Variants in RAP1GDS1 observed in about 807,000 individuals in gnomAD.
The protein encoded by RAP1GDS1 is Rap1 GTPase-GDP dissociation stimulator 1.
Under a neutral mutation model 71.1 loss-of-function variants are expected in RAP1GDS1, and 35 were observed. The observed-to-expected ratio is 0.49, with a 90% CI of 0.38 to 0.65. The LOEUF is 0.65. Among genes scored for constraint, RAP1GDS1 ranks in the 30% least tolerant of loss-of-function variants. The pLI, the probability that RAP1GDS1 is intolerant of heterozygous loss-of-function variation, is 0.00. For missense variants in RAP1GDS1, 663 were observed against 706.1 expected (o/e 0.94, Z 0.69); for synonymous variants, 229 against 243.1 (o/e 0.94, Z 0.54).
chr4:98,347,819 A>G (rs1185344544), intron 3 of RAP1GDS1, among the ~76,000 whole-genome samples: 1 of 152,146 alleles, frequency 6.6e-6, no homozygotes, highest in Non-Finnish European at 1.5e-5. Context: ...ACCATCTTTT[A>G]GGCTATTGAG....
At chr4:98,413,682 A>C (rs1008876935) in intron 7 of RAP1GDS1, among the ~76,000 whole-genome samples, 1 of 151,850 alleles carries the variant, frequency 6.6e-6, no homozygotes, top group African/African-American at 2.4e-5. Flanking sequence ...ATAAACATAC[A>C]TGTGCATGTG....
At position 98,436,987 on chromosome 4, in the gene RAP1GDS1, C is replaced by A; in HGVS notation, c.1615C>A (p.His539Asn). 1 of 1,612,508 alleles carries A rather than the reference C, an allele frequency of 6.2e-7. No individual in the cohort carries two copies. Among genetic ancestry groups the A allele is most frequent in the Non-Finnish European group, 8.5e-7 (1 of 1,179,576 alleles). The change falls in exon 14 of 15, where the codon CAT becomes AAT. Residue 539 changes from histidine to asparagine, a missense_variant. His to Asn is a moderately conservative substitution (Grantham distance 68, BLOSUM62 1). Coordinates refer to ENST00000408927, the MANE Select transcript of RAP1GDS1 (RefSeq NM_001100427.2). Reference sequence around the variant, plus strand: ...AAGTGCTAAACTTGTACAGATTTTACATAGACTGCTAGCAGATGAGAGAAG... The same window carrying A: ...AAGTGCTAAACTTGTACAGATTTTAAATAGACTGCTAGCAGATGAGAGAAG... Reference protein sequence around the residue: ...LESAKLVQILHRLLADERSAP... With the variant: ...LESAKLVQILNRLLADERSAP...
At chr4:98,290,089 T>G (rs888263396) in intron 1 of RAP1GDS1, among the ~76,000 whole-genome samples, 17 of 152,118 alleles carry the variant, frequency 1.1e-4, no homozygotes, top group African/African-American at 3.9e-4. Context: ...GGTTTTATCA[T>G]CAGCAATGGT....
intron 1 of RAP1GDS1, among the ~76,000 whole-genome samples, chr4:98,291,748 A>C (rs1004313782): frequency 6.6e-6 from 1 of 152,178 alleles, no homozygotes; most frequent in African/African-American, 2.4e-5. Flanking sequence ...GTAGAACAGA[A>C]AATTCTTGTT....
At chr4:98,316,002 G>A (rs2110330293) in intron 2 of RAP1GDS1, among the ~76,000 whole-genome samples, 1 of 152,256 alleles carries the variant, frequency 6.6e-6, no homozygotes, top group South Asian at 2.1e-4. Flanking sequence ...CAATGTTGAA[G>A]GGTCCAGTTA....
chr4:98,400,776 G>T (rs1275094162), intron 6 of RAP1GDS1, among the ~76,000 whole-genome samples: 1 of 152,054 alleles, frequency 6.6e-6, no homozygotes, highest in Non-Finnish European at 1.5e-5. Context: ...TAATTACCCT[G>T]ATCTGCTTAC....
intron 12 of RAP1GDS1, among the ~76,000 whole-genome samples, chr4:98,431,333 C>T: frequency 6.6e-6 from 1 of 152,308 alleles, no homozygotes; most frequent in East Asian, 1.9e-4. Context: ...TACCTCAAAT[C>T]AAAGCCTATC....
At chr4:98,358,691 C>T (rs1346256923) in intron 4 of RAP1GDS1, among the ~76,000 whole-genome samples, 2 of 151,962 alleles carry the variant, frequency 1.3e-5, no homozygotes, top group Non-Finnish European at 2.9e-5. Context: ...TTGTGGTACA[C>T]AAATCTGTAC....
At chr4:98,331,675 T>G (rs1734036909) in intron 2 of RAP1GDS1, among the ~76,000 whole-genome samples, 1 of 152,190 alleles carries the variant, frequency 6.6e-6, no homozygotes, top group Admixed American at 6.5e-5. Flanking sequence ...ATTCAATTTA[T>G]CCAATAACCC....
chr4:98,290,118 C>G (rs1220565838), intron 1 of RAP1GDS1, among the ~76,000 whole-genome samples: 1 of 152,038 alleles, frequency 6.6e-6, no homozygotes, highest in Non-Finnish European at 1.5e-5. Flanking sequence ...CCAAAGATAA[C>G]AAACACATAT....
rs116754607 is a variant in RAP1GDS1, at chr4:98,419,800, A to G, written c.1175-219A>G. Among the ~76,000 whole-genome samples, 278 of 152,344 alleles carry G rather than the reference A, an allele frequency of 1.8e-3. 1 individual carries two copies. Among genetic ancestry groups the G allele is most frequent in the African/African-American group, 6.3e-3 (260 of 41,582 alleles). ...AAGCCATGATACTGTCATAAAAATT[A>G]TTATATTGTCTGTTATCCGCTTATA... is the stretch of plus-strand genomic sequence containing the variant. On this transcript the variant is annotated intron_variant, in intron 10 of 14. Transcript: ENST00000408927.
chr4:98,287,504 G>A (rs553587291), intron 1 of RAP1GDS1, among the ~76,000 whole-genome samples: 90 of 152,272 alleles, frequency 5.9e-4, no homozygotes, highest in Middle Eastern at 3.4e-3. Context: ...AATAGGCACA[G>A]AGTTACAATG....
chr4:98,293,343 C>A, intron 1 of RAP1GDS1, 65 bp from the exon 2 acceptor site: 1 of 1,090,294 alleles, frequency 9.2e-7, no homozygotes, highest in South Asian at 1.5e-5. Context: ...ACTGTTTATC[C>A]TTTTGTCATG....
chr4:98,400,246 A>G (rs1578740452), intron 6 of RAP1GDS1, among the ~76,000 whole-genome samples: 1 of 152,242 alleles, frequency 6.6e-6, no homozygotes, highest in East Asian at 1.9e-4. Context: ...TCAGTATTGA[A>G]GAAACATTAC....
intron 1 of RAP1GDS1, 171 bp downstream of exon 1, chr4:98,261,740 C>A: frequency 1.1e-6 from 1 of 939,420 alleles, no homozygotes; most frequent in Non-Finnish European, 1.5e-6. Flanking sequence ...ACGCCGGGTG[C>A]CGGGGCTGGG....
intron 5 of RAP1GDS1, among the ~76,000 whole-genome samples, chr4:98,389,154 A>G (rs990896421): frequency 2.0e-5 from 3 of 152,204 alleles, no homozygotes; most frequent in Non-Finnish European, 2.9e-5. Flanking sequence ...AAGAGCAAAT[A>G]AAATCTTGGG....
chr4:98,421,967 G>A (rs1748931318), intron 12 of RAP1GDS1, among the ~76,000 whole-genome samples: 1 of 151,958 alleles, frequency 6.6e-6, no homozygotes, highest in African/African-American at 2.4e-5. Context: ...GGAGACTGAG[G>A]TGGGCAGATC....
At chr4:98,441,825 A>T (rs1332998514) in intron 14 of RAP1GDS1, among the ~76,000 whole-genome samples, 165 bp from the exon 15 acceptor site, 1 of 152,178 alleles carries the variant, frequency 6.6e-6, no homozygotes, top group East Asian at 1.9e-4. Context: ...TTTAAATTAT[A>T]ATACATTTCT....
At chr4:98,390,120 C>T (rs1315934607) in intron 5 of RAP1GDS1, among the ~76,000 whole-genome samples, 1 of 152,212 alleles carries the variant, frequency 6.6e-6, no homozygotes, top group East Asian at 1.9e-4. Flanking sequence ...TCAGAGGTGA[C>T]CCTCTAGTAA....
Sources: gnomAD v4.1 joint callset for allele counts (sites outside exome capture counted in the v4.1 genomes callset) on GRCh38, gnomAD v4.1.1 for gene constraint, MANE v1.5 for transcripts, NCBI Gene and HGNC (gene_info 2026-07-23, HGNC 2026-07-21) for gene names.